C2CD2: variants seen among roughly 807,000 people sequenced by gnomAD.
C2CD2 encodes the protein C2 domain-containing protein 2.
A neutral mutation model predicts 74.3 loss-of-function variants in C2CD2; 43 were observed. The ratio of observed to expected loss-of-function variants is 0.58; its 90% CI spans 0.45 to 0.75. The LOEUF is 0.75. Among genes scored for constraint, C2CD2 ranks in the 30% least tolerant of loss-of-function variants. The probability of loss-of-function intolerance (pLI) is 0.00; values close to 1 mark genes in which losing one functional copy is unlikely to be tolerated. For missense variants in C2CD2, 801 were observed against 916.3 expected (o/e 0.87, Z 1.63); for synonymous variants, 422 against 390.7 (o/e 1.08, Z -0.94).
rs2064678741 is a variant in C2CD2, at chr21:41,885,959, T to C, written c.*3165A>G. ...CTGTCAAAACTCTCACAGCAGGTTT[T>C]CAGCTGGAACAAGGAGATGGCTACT... On this transcript the variant is annotated 3_prime_UTR_variant, in exon 14 of 14. Coordinates refer to ENST00000380486, the MANE Select transcript of C2CD2 (RefSeq NM_015500.2). 1.3e-5 allele frequency: 2 copies of C among 152,492 alleles called. No homozygotes were observed. Among genetic ancestry groups the C allele is most frequent in the African/African-American group, 4.8e-5 (2 of 41,434 alleles). 9.4% of individuals were successfully genotyped at this position (152,492 alleles called of 1,614,324 possible).
intron 5 of C2CD2, among the ~76,000 whole-genome samples, chr21:41,915,749 CT>C (rs1460259645): frequency 2.6e-5 from 4 of 152,144 alleles, no homozygotes; most frequent in Admixed American, 1.3e-4. Flanking sequence ...CAAGAGTGTT[CT>C]TTTATTTTAT....
chr21:41,901,505 A>G, intron 12 of C2CD2, 117 bp downstream of exon 12: 1 of 1,048,680 alleles, frequency 9.5e-7, no homozygotes, highest in Non-Finnish European at 1.5e-6. Context: ...TGACATTTGT[A>G]AATGGAACTC....
intron 2 of C2CD2, among the ~76,000 whole-genome samples, chr21:41,934,682 C>G (rs1156873327): frequency 6.6e-6 from 1 of 152,194 alleles, no homozygotes; most frequent in Admixed American, 6.5e-5. Flanking sequence ...TGGCATTGCT[C>G]CATGTGCTGT....
In C2CD2 at chr21:41,924,403, G is replaced by A. The variant is rs1196438306; in HGVS notation, c.379-2318C>T. 3.3e-5 allele frequency among the ~76,000 whole-genome samples: 5 copies of A among 152,166 alleles called. No individual in the cohort carries two copies. Among genetic ancestry groups the A allele is most frequent in the African/African-American group, 1.2e-4 (5 of 41,436 alleles). ...AAAATCCTGCCTTCTCTCAATATTG[G>A]CAGAAAGTCGTGCAACTCTTTCTAC... On this transcript the variant is annotated intron_variant, in intron 2 of 13. Coordinates refer to ENST00000380486, the MANE Select transcript of C2CD2 (RefSeq NM_015500.2). The surrounding 1 kb of genome is among the most constrained non-coding windows in gnomAD (Gnocchi z 4.4).
intron 13 of C2CD2, among the ~76,000 whole-genome samples, chr21:41,898,068 C>T (rs984185364): frequency 6.6e-6 from 1 of 152,218 alleles, no homozygotes; most frequent in African/African-American, 2.4e-5. Context: ...CAAAAGGCAG[C>T]GACAGCAGCG....
In C2CD2 at chr21:41,901,717, C is replaced by G; in HGVS notation, c.1465G>C (p.Ala489Pro). ...LLVLNGSDPV[A>P]EVAIRQLSES... is the part of the protein sequence containing the mutation. ...CTGAGCTGTCGAATGGCCACTTCAGCCACTGGATCCGAACCATTCAACACC... is the reference window on the plus strand; with the variant it reads ...CTGAGCTGTCGAATGGCCACTTCAGGCACTGGATCCGAACCATTCAACACC... The change falls in exon 12 of 14, where the codon GCT becomes CCT. Residue 489 changes from alanine to proline, a missense_variant. Transcript: ENST00000380486. 2 of 1,613,850 alleles carry G rather than the reference C, an allele frequency of 1.2e-6. No homozygotes were observed. The highest frequency in any genetic ancestry group is 1.7e-6 in the Non-Finnish European group (2 of 1,179,714).
At position 41,892,695 on chromosome 21, in the gene C2CD2, C is replaced by T. The variant is rs771981970; in HGVS notation, c.1871-3351G>A. Among the ~76,000 whole-genome samples, 10 of 152,224 alleles carry T rather than the reference C, an allele frequency of 6.6e-5. No homozygotes were observed. Among genetic ancestry groups the T allele is most frequent in the Non-Finnish European group, 1.0e-4 (7 of 68,038 alleles). ...AAAGTTCCCAGGTCTTTTGAACATGCAGCTGGGGTTATCCACTGCTAGCCC... is the reference window on the plus strand; with the variant it reads ...AAAGTTCCCAGGTCTTTTGAACATGTAGCTGGGGTTATCCACTGCTAGCCC... On this transcript the variant is annotated intron_variant, in intron 13 of 13. Coordinates refer to ENST00000380486, the MANE Select transcript of C2CD2 (RefSeq NM_015500.2). This position sits in a 1 kb window ranked among gnomAD's most constrained non-coding sequence, Gnocchi z 4.6.
At chr21:41,931,410 CTT>C (rs2065259930) in intron 2 of C2CD2, among the ~76,000 whole-genome samples, 1 of 140,488 alleles carries the variant, frequency 7.1e-6, no homozygotes, top group African/African-American at 2.5e-5. Context: ...ATAAGAGCGT[CTT>C]TTGAGAAGAG....
In C2CD2 at chr21:41,892,673, GT is replaced by G. The variant is rs2146129492; in HGVS notation, c.1871-3330del. ...CACTGGGCATGAGCATTTTTCAAAA[GT>G]TCCCAGGTCTTTTGAACATGCAGCT... is the stretch of plus-strand genomic sequence containing the variant. On this transcript the variant is annotated intron_variant, in intron 13 of 13. Transcript: ENST00000380486. This position sits in a 1 kb window ranked among gnomAD's most constrained non-coding sequence, Gnocchi z 4.6. Among the ~76,000 whole-genome samples the G allele has an allele frequency of 6.6e-6, 1 of 152,326 alleles. No individual in the cohort carries two copies. The highest frequency in any genetic ancestry group is 6.5e-5 in the Admixed American group (1 of 15,308).
chr21:41,910,229 T>C (rs967908243), intron 7 of C2CD2, among the ~76,000 whole-genome samples: 11 of 151,964 alleles, frequency 7.2e-5, no homozygotes, highest in African/African-American at 2.7e-4. Context: ...TTCTGCTCTT[T>C]GCCCTTAGGA....
chr21:41,914,745 T>C (rs143344594), intron 5 of C2CD2, 24 bp from the exon 6 acceptor site: 246 of 1,605,990 alleles, frequency 1.5e-4, no homozygotes, highest in Non-Finnish European at 2.0e-4. Flanking sequence ...GAGCACTTTA[T>C]TTTTGGTCTT....
At position 41,939,653 on chromosome 21, in the gene C2CD2, G is replaced by A. The variant is rs996729753; in HGVS notation, c.378+2494C>T. Among the ~76,000 whole-genome samples, 2 of 152,198 alleles carry A rather than the reference G, an allele frequency of 1.3e-5. No individual in the cohort carries two copies. Among genetic ancestry groups the A allele is most frequent in the African/African-American group, 2.4e-5 (1 of 41,456 alleles). On this transcript the variant is annotated intron_variant, in intron 2 of 13. Transcript: ENST00000380486. The surrounding 1 kb of genome is among the most constrained non-coding windows in gnomAD (Gnocchi z 5.5). ...TGTGCCAGTCTCAGCATCCCGCACCGCTGCCATGGGCTTCCTCCTGCAACC... is the reference window on the plus strand; with the variant it reads ...TGTGCCAGTCTCAGCATCCCGCACCACTGCCATGGGCTTCCTCCTGCAACC...
At chr21:41,905,005 T>C (rs1033703481) in intron 11 of C2CD2, among the ~76,000 whole-genome samples, 1 of 152,166 alleles carries the variant, frequency 6.6e-6, no homozygotes, top group Non-Finnish European at 1.5e-5. Context: ...CATTTCCTAG[T>C]GGAAGGGAAA....
At chr21:41,915,065 G>A (rs1005915615) in intron 5 of C2CD2, among the ~76,000 whole-genome samples, 3 of 152,150 alleles carry the variant, frequency 2.0e-5, no homozygotes, top group Admixed American at 6.5e-5. Flanking sequence ...TATCTGACCC[G>A]GGCAGGTGCT....
chr21:41,929,007 T>C lies in C2CD2; in HGVS notation c.379-6922A>G, dbSNP rs1356873328. ...TATCATACCTGTAATCTCAGCACTT[T>C]GGGAGGCCAAGGCAAGAGGATCACT... On this transcript the variant is annotated intron_variant, in intron 2 of 13. Transcript: ENST00000380486. This position sits in a 1 kb window ranked among gnomAD's most constrained non-coding sequence, Gnocchi z 4.6. Among the ~76,000 whole-genome samples, 1 of 151,834 alleles carries C rather than the reference T, an allele frequency of 6.6e-6. No homozygotes were observed. The highest frequency in any genetic ancestry group is 1.9e-4 in the East Asian group (1 of 5,190).
At chr21:41,911,486 G>A (rs2065025402) in intron 7 of C2CD2, among the ~76,000 whole-genome samples, 1 of 149,172 alleles carries the variant, frequency 6.7e-6, no homozygotes, top group Admixed American at 6.8e-5. Flanking sequence ...CTGAATCCCA[G>A]GATCAAGTGA....
At chr21:41,943,352 C>T (rs1206516773) in intron 1 of C2CD2, among the ~76,000 whole-genome samples, 1 of 152,138 alleles carries the variant, frequency 6.6e-6, no homozygotes, top group African/African-American at 2.4e-5. Flanking sequence ...GACCACAAGG[C>T]AACAAGGCCA....
intron 5 of C2CD2, among the ~76,000 whole-genome samples, chr21:41,915,379 GC>G (rs1263888346): frequency 6.6e-6 from 1 of 151,890 alleles, no homozygotes; most frequent in Non-Finnish European, 1.5e-5. Context: ...ATCTGGAAGA[GC>G]CCAGCTTCAA....
intron 11 of C2CD2, 142 bp from the exon 12 acceptor site, chr21:41,901,891 T>C (rs1205985103): frequency 1.4e-6 from 1 of 716,414 alleles, no homozygotes; most frequent in Non-Finnish European, 2.4e-6. Context: ...TGTTTAGGCT[T>C]TGTTGGTGGT....
Sources: allele counts gnomAD v4.1 joint callset (sites outside exome capture counted in the v4.1 genomes callset), GRCh38; gene constraint gnomAD v4.1.1; non-coding constraint Gnocchi (gnomAD v3.1); transcripts MANE v1.5; gene names NCBI Gene and HGNC (gene_info 2026-07-23, HGNC 2026-07-21).